DIAPH3: variants seen among roughly 807,000 people sequenced by gnomAD.
DIAPH3 encodes protein diaphanous homolog 3.
A neutral mutation model predicts 144.3 loss-of-function variants in DIAPH3; 117 were observed. The observed-to-expected ratio is 0.81, with a 90% CI of 0.70 to 0.95. The LOEUF (loss-of-function observed/expected upper bound fraction) is 0.95. Among genes scored for constraint, DIAPH3 ranks in the 40% least tolerant of loss-of-function variants. DIAPH3 has a pLI of 0.00. For synonymous variants in DIAPH3, 519 were observed against 488.9 expected (o/e 1.06, Z -0.81); for missense variants, 1,421 against 1,412.7 (o/e 1.01, Z -0.09).
intron 22 of DIAPH3, among the ~76,000 whole-genome samples, chr13:59,844,657 A>T (rs1299849188): frequency 1.3e-5 from 2 of 152,178 alleles, no homozygotes; most frequent in African/African-American, 4.8e-5. Flanking sequence ...GAAATTAATC[A>T]TATTTTTTGT....
At chr13:59,867,017 G>C (rs928263249) in intron 21 of DIAPH3, among the ~76,000 whole-genome samples, 1 of 150,066 alleles carries the variant, frequency 6.7e-6, no homozygotes, top group African/African-American at 2.4e-5. Context: ...GTTTGTGTGT[G>C]TATTTGAGAT....
At chr13:60,132,512 A>G (rs962098288) in intron 2 of DIAPH3, among the ~76,000 whole-genome samples, 1 of 152,210 alleles carries the variant, frequency 6.6e-6, no homozygotes, top group African/African-American at 2.4e-5. Context: ...TATTTTCAAC[A>G]TAAAAAACGT....
intron 5 of DIAPH3, among the ~76,000 whole-genome samples, chr13:60,041,355 G>A (rs1446214472): frequency 6.6e-6 from 1 of 152,092 alleles, no homozygotes; most frequent in Non-Finnish European, 1.5e-5. Flanking sequence ...GGTAACGCGA[G>A]GTAAATTACA....
chr13:59,764,117 T>C (rs1268047942), intron 27 of DIAPH3, among the ~76,000 whole-genome samples: 1 of 152,010 alleles, frequency 6.6e-6, no homozygotes, highest in Non-Finnish European at 1.5e-5. Flanking sequence ...TTTTTCTCCT[T>C]AGGTCATCTT....
At chr13:59,988,471 A>C (rs901920063) in intron 12 of DIAPH3, among the ~76,000 whole-genome samples, 1 of 151,776 alleles carries the variant, frequency 6.6e-6, no homozygotes, top group African/African-American at 2.4e-5. Context: ...TTTTTCCTCA[A>C]CTCCACAATG....
intron 17 of DIAPH3, among the ~76,000 whole-genome samples, chr13:59,928,535 A>G (rs2047863656): frequency 6.6e-6 from 1 of 152,176 alleles, no homozygotes; most frequent in Non-Finnish European, 1.5e-5. Flanking sequence ...TAGCTTTAAT[A>G]AGCTAAGACT....
intron 22 of DIAPH3, among the ~76,000 whole-genome samples, chr13:59,839,670 G>A (rs191875192): frequency 5.3e-5 from 8 of 152,184 alleles, no homozygotes; most frequent in Admixed American, 5.2e-4. Flanking sequence ...TTTAAGAAAT[G>A]CTCACACACA....
intron 7 of DIAPH3, among the ~76,000 whole-genome samples, chr13:60,015,410 T>C (rs1437839109): frequency 6.6e-6 from 1 of 152,220 alleles, no homozygotes; most frequent in Admixed American, 6.5e-5. Context: ...TATATCTGTT[T>C]ACATTAATTT....
In DIAPH3 at chr13:59,887,062, A is replaced by G. The variant is rs554744216; in HGVS notation, c.2368-7594T>C. Among the ~76,000 whole-genome samples, 6 of 150,766 alleles carry G rather than the reference A, an allele frequency of 4.0e-5. No homozygotes were observed. In the East Asian group the frequency reaches 1.0e-3, roughly 25 times the overall value. On this transcript the variant is annotated intron_variant, in intron 20 of 27. Coordinates refer to ENST00000400324, the MANE Select transcript of DIAPH3 (RefSeq NM_001042517.2). ...TGGATGTCCTTTATCAAAATGAGGA[A>G]GTTTCCTTCTATTTCTAGTTTGTTG...
At chr13:60,013,459 G>T (rs1361604706) in intron 7 of DIAPH3, 1 of 152,242 alleles carries the variant, frequency 6.6e-6, no homozygotes, top group African/African-American at 2.4e-5. Flanking sequence ...ACTCTTCAAA[G>T]CAACACACAC....
intron 24 of DIAPH3, among the ~76,000 whole-genome samples, chr13:59,815,143 G>T (rs960098002): frequency 1.3e-5 from 2 of 152,016 alleles, no homozygotes; most frequent in South Asian, 2.1e-4. Flanking sequence ...ATTCACTTTT[G>T]CCCATCCTTT....
At chr13:59,895,223 G>C (rs911773561) in intron 20 of DIAPH3, among the ~76,000 whole-genome samples, 4 of 152,036 alleles carry the variant, frequency 2.6e-5, no homozygotes. Context: ...CAAATTATTT[G>C]GTAGTGGTGA....
At chr13:59,886,172 T>G (rs904073940) in intron 20 of DIAPH3, among the ~76,000 whole-genome samples, 1 of 152,142 alleles carries the variant, frequency 6.6e-6, no homozygotes, top group Non-Finnish European at 1.5e-5. Context: ...TATCTTTTCA[T>G]GTTTAGGTCC....
At position 59,833,231 on chromosome 13, in the gene DIAPH3, G is replaced by A. The variant is rs749460279; in HGVS notation, c.2903C>T (p.Ser968Leu). 7.5e-6 allele frequency: 12 copies of A among 1,609,110 alleles called. No homozygotes were observed. Among genetic ancestry groups the A allele is most frequent in the South Asian group, 2.2e-5 (2 of 90,698 alleles). Residue 968 changes from serine (S) to leucine (L), a missense_variant, in exon 24 of 28, where the codon TCG (serine) becomes TTG (leucine). By Grantham distance (145) the Ser-to-Leu change is moderately radical (BLOSUM62 -2). Transcript: ENST00000400324. ...ISAKEQYETL[S>L]KLHENMEKLY... is the part of the protein sequence containing the mutation. ...CTTTTCCATGTTTTCGTGTAACTTCGAAAGTGTCTCATATTGTTCTTTTGC... is the reference window on the plus strand; with the variant it reads ...CTTTTCCATGTTTTCGTGTAACTTCAAAAGTGTCTCATATTGTTCTTTTGC...
chr13:59,701,982 G>A (rs1324339875), intron 27 of DIAPH3, among the ~76,000 whole-genome samples: 1 of 152,158 alleles, frequency 6.6e-6, no homozygotes, highest in East Asian at 1.9e-4. Flanking sequence ...TAAGCCTAGA[G>A]CTAATATCAA....
rs948534659 is a variant in DIAPH3 at position 59,770,538 on chromosome 13, T to A, written c.3319+3651A>T. ...TACTAGAATGTACAGTTCTACAAGG[T>A]TCAGACTGGGGTTCAGAAAGGACCT... On this transcript the variant is annotated intron_variant, in intron 27 of 27. Coordinates refer to ENST00000400324, the MANE Select transcript of DIAPH3 (RefSeq NM_001042517.2). Among the ~76,000 whole-genome samples, 9 of 152,084 alleles carry A rather than the reference T, an allele frequency of 5.9e-5. No individual in the cohort carries two copies. In the East Asian group the frequency reaches 1.7e-3, roughly 29 times the overall value.
intron 27 of DIAPH3, among the ~76,000 whole-genome samples, chr13:59,695,087 T>G: frequency 6.6e-6 from 1 of 152,204 alleles, no homozygotes; most frequent in East Asian, 1.9e-4. Context: ...CTGCCATAGC[T>G]TCTAGTGCAT....
At chr13:60,037,144 C>CA (rs993672430) in intron 5 of DIAPH3, among the ~76,000 whole-genome samples, 8 of 75,646 alleles carry the variant, frequency 1.1e-4, no homozygotes, top group Admixed American at 2.9e-4. Flanking sequence ...AGTATAATAA[C>CA]AAAAAAAAAA....
At chr13:60,042,198 A>C (rs1435061630) in intron 5 of DIAPH3, among the ~76,000 whole-genome samples, 1 of 152,164 alleles carries the variant, frequency 6.6e-6, no homozygotes, top group East Asian at 1.9e-4. Flanking sequence ...GACGTCAGAT[A>C]AACAGTGTGT....
Sources: allele counts gnomAD v4.1 joint callset (sites outside exome capture counted in the v4.1 genomes callset), GRCh38; gene constraint gnomAD v4.1.1; transcripts MANE v1.5; gene names NCBI Gene and HGNC (gene_info 2026-07-23, HGNC 2026-07-21).